TEAD1: variants seen among roughly 807,000 people sequenced by gnomAD.
The protein encoded by TEAD1 is transcriptional enhancer factor TEF-1.
Under a neutral mutation model 54.9 loss-of-function variants are expected in TEAD1, and 9 were observed. The observed-to-expected ratio is 0.16, with a 90% CI of 0.10 to 0.29. The LOEUF (loss-of-function observed/expected upper bound fraction) is 0.29. Among genes scored for constraint, TEAD1 ranks in the 10% least tolerant of loss-of-function variants. TEAD1 has a pLI of 1.00. For synonymous variants in TEAD1, 200 were observed against 187.8 expected, an observed-to-expected ratio of 1.07 and a Z score of -0.53; for missense variants, 387 against 535.9, an observed-to-expected ratio of 0.72 and a Z score of 2.74.
At chr11:12,797,694 C>T (rs1945963587) in intron 3 of TEAD1, among the ~76,000 whole-genome samples, 1 of 152,096 alleles carries the variant, frequency 6.6e-6, no homozygotes, top group Non-Finnish European at 1.5e-5. Context: ...CCTATCTGTG[C>T]AGAGGATCAC....
intron 2 of TEAD1, among the ~76,000 whole-genome samples, chr11:12,692,081 T>C (rs1237927684): frequency 6.6e-6 from 1 of 152,222 alleles, no homozygotes; most frequent in Non-Finnish European, 1.5e-5. Flanking sequence ...CCTATAGTAG[T>C]AGGCCTGCAA....
At chr11:12,901,878 T>C in intron 9 of TEAD1, 62 bp from the exon 10 acceptor site, 1 of 1,607,722 alleles carries the variant, frequency 6.2e-7, no homozygotes, top group Non-Finnish European at 8.5e-7. Context: ...CAGTTCAAGA[T>C]GGATGAGTTC....
At chr11:12,758,334 G>A (rs1473641597) in intron 2 of TEAD1, among the ~76,000 whole-genome samples, 1 of 150,512 alleles carries the variant, frequency 6.6e-6, no homozygotes, top group African/African-American at 2.4e-5. Flanking sequence ...TCCGCCTCCT[G>A]GGTTTGAGTA....
chr11:12,727,549 A>AATTC (rs1397579177), intron 2 of TEAD1, among the ~76,000 whole-genome samples: 1 of 152,204 alleles, frequency 6.6e-6, no homozygotes, highest in African/African-American at 2.4e-5. Flanking sequence ...ATTAAGTATG[A>AATTC]AGCCATTGTG....
At chr11:12,829,878 A>G (rs922502188) in intron 3 of TEAD1, among the ~76,000 whole-genome samples, 2 of 152,156 alleles carry the variant, frequency 1.3e-5, no homozygotes, top group African/African-American at 4.8e-5. Context: ...ATTTCTCCAT[A>G]ACACCCAGCA....
At chr11:12,687,062 G>C (rs569351957) in intron 2 of TEAD1, among the ~76,000 whole-genome samples, 3 of 152,314 alleles carry the variant, frequency 2.0e-5, no homozygotes, top group African/African-American at 7.2e-5. Flanking sequence ...CTTCTAGCTC[G>C]TGTGGAAGGA....
intron 2 of TEAD1, among the ~76,000 whole-genome samples, chr11:12,709,347 A>T (rs543660944): frequency 1.0e-4 from 10 of 95,582 alleles, no homozygotes; most frequent in African/African-American, 5.7e-4. Flanking sequence ...CAAAAAAAAT[A>T]AAAAAAAAAA....
At chr11:12,794,568 C>A (rs1002548123) in intron 3 of TEAD1, among the ~76,000 whole-genome samples, 1 of 152,174 alleles carries the variant, frequency 6.6e-6, no homozygotes, top group Non-Finnish European at 1.5e-5. Context: ...TCTGATTGTT[C>A]CTCTCCAGGA....
intron 12 of TEAD1, among the ~76,000 whole-genome samples, chr11:12,935,441 A>ATTATTTATTTAT (rs372268851): frequency 0.014 from 2,069 of 149,646 alleles, 29 homozygotes; most frequent in Middle Eastern, 0.048. Context: ...TCATTCAGCA[A>ATTATTTATTTAT]TTATTTATTT....
At chr11:12,790,728 A>G (rs1187707396) in intron 3 of TEAD1, among the ~76,000 whole-genome samples, 9 of 152,222 alleles carry the variant, frequency 5.9e-5, no homozygotes, top group Admixed American at 1.3e-4. Flanking sequence ...TCTTCTGTAT[A>G]AAGAAGGTGT....
rs373158005 is a variant in TEAD1 at position 12,928,529 on chromosome 11, C to G, written c.1015-1645C>G. Reference sequence around the variant, plus strand: ...AAGCGATCTGCCTACCTCAGCCTACCAAAGTGCTAGGATTAAAGGTGTGAG... The same window carrying G: ...AAGCGATCTGCCTACCTCAGCCTACGAAAGTGCTAGGATTAAAGGTGTGAG... On this transcript the variant is annotated intron_variant, in intron 11 of 12. Coordinates refer to ENST00000527636, the MANE Select transcript of TEAD1 (RefSeq NM_021961.6). Among the ~76,000 whole-genome samples the G allele has an allele frequency of 4.6e-5, 7 of 152,088 alleles. No individual in the cohort carries two copies. In the East Asian group the frequency reaches 9.6e-4, roughly 21 times the overall value.
chr11:12,906,669 G>A (rs1043137815), intron 10 of TEAD1, among the ~76,000 whole-genome samples: 2 of 152,110 alleles, frequency 1.3e-5, no homozygotes, highest in Non-Finnish European at 2.9e-5. Context: ...GATCTCCTGT[G>A]CCCATTTGTA....
intron 3 of TEAD1, among the ~76,000 whole-genome samples, chr11:12,845,200 A>G (rs935390195): frequency 4.6e-5 from 7 of 152,014 alleles, no homozygotes; most frequent in African/African-American, 1.4e-4. Flanking sequence ...CCTGACCTCA[A>G]GTGATCCACC....
chr11:12,679,126 A>G (rs1222231056), intron 2 of TEAD1, among the ~76,000 whole-genome samples: 1 of 152,024 alleles, frequency 6.6e-6, no homozygotes, highest in Non-Finnish European at 1.5e-5. Context: ...GGATAATGGT[A>G]GTAGTGGTGG....
chr11:12,854,735 G>A (rs1336743851), intron 3 of TEAD1, among the ~76,000 whole-genome samples: 1 of 151,452 alleles, frequency 6.6e-6, no homozygotes, highest in African/African-American at 2.4e-5. Flanking sequence ...GGGACCACAG[G>A]CAGGTGCTAC....
rs747918086 is a variant in TEAD1, at chr11:12,942,646, G to T, written c.*5424G>T. ...TTCTTTTCCATTCAAATGACAGTGC[G>T]CACTTATCTGGTTTACACAATGATA... On this transcript the variant is annotated 3_prime_UTR_variant, in exon 13 of 13. Coordinates refer to ENST00000527636, the MANE Select transcript of TEAD1 (RefSeq NM_021961.6). The T allele has an allele frequency of 6.6e-6, 1 of 152,136 alleles. No individual in the cohort carries two copies. Among genetic ancestry groups the T allele is most frequent in the African/African-American group, 2.4e-5 (1 of 41,420 alleles). The allele number at this position is 152,136 out of a possible 1,614,324, so 9.4% of individuals were successfully genotyped here.
chr11:12,730,218 A>T (rs1944391286), intron 2 of TEAD1, among the ~76,000 whole-genome samples: 1 of 152,130 alleles, frequency 6.6e-6, no homozygotes, highest in Admixed American at 6.5e-5. Flanking sequence ...TCTTGCTTGT[A>T]TAGCACTTTA....
chr11:12,832,084 C>G (rs1946796043), intron 3 of TEAD1, among the ~76,000 whole-genome samples: 1 of 152,158 alleles, frequency 6.6e-6, no homozygotes, highest in Non-Finnish European at 1.5e-5. Flanking sequence ...ATAAACCACA[C>G]TGTCCCCCCA....
chr11:12,774,988 T>C (rs1945389191), intron 3 of TEAD1, among the ~76,000 whole-genome samples: 1 of 152,150 alleles, frequency 6.6e-6, no homozygotes. Flanking sequence ...TTTACCCATA[T>C]AACAAACCTG....
Sources: gnomAD v4.1 joint callset for allele counts (sites outside exome capture counted in the v4.1 genomes callset) on GRCh38, gnomAD v4.1.1 for gene constraint, MANE v1.5 for transcripts, NCBI Gene and HGNC (gene_info 2026-07-23, HGNC 2026-07-21) for gene names.